Variants in DHX30 observed in about 807,000 individuals in gnomAD.
DHX30 encodes the protein ATP-dependent RNA helicase DHX30.
In DHX30, 4 loss-of-function variants were observed where a neutral mutation model predicts 116.9. That is an observed-to-expected ratio of 0.03 (90% CI 0.02 to 0.08). DHX30 has a LOEUF of 0.08. DHX30 is among the 10% of genes least tolerant of loss of function. DHX30 has a pLI of 1.00. For synonymous variants in DHX30, 697 were observed against 651.7 expected, an observed-to-expected ratio of 1.07 and a Z score of -1.06; for missense variants, 871 against 1,595.1, an observed-to-expected ratio of 0.55 and a Z score of 7.73.
Position 47,849,112 on chromosome 3 carries a change from C to G in DHX30, c.2929+33C>G, listed in dbSNP as rs367691721. On this transcript the variant is annotated intron_variant, in intron 18 of 21. Transcript: ENST00000445061. ...GGGCCCACACCTGCTCTCCTGAGCC[C>G]CTCCCACCCCCACTGAGTTTCTGTC... 3.7e-6 allele frequency: 6 copies of G among 1,610,820 alleles called. No homozygotes were observed. The African/African-American group carries it at 8.0e-5, about 22-fold the overall frequency.
chr3:47,833,762 G>T (rs1361114260), intron 6 of DHX30, among the ~76,000 whole-genome samples: 8 of 151,816 alleles, frequency 5.3e-5, no homozygotes, highest in Admixed American at 3.3e-4. Context: ...GGAGGCTGAG[G>T]CAGGAGAATC....
chr3:47,818,237 G>C lies in DHX30; in HGVS notation c.124+120G>C, dbSNP rs1041533305. The C allele has an allele frequency of 4.4e-6, 3 of 674,916 alleles. No homozygotes were observed. The African/African-American group carries it at 5.4e-5, about 12-fold the overall frequency. 41.8% of individuals were successfully genotyped at this position (674,916 alleles called of 1,614,324 possible). On this transcript the variant is annotated intron_variant, in intron 4 of 21. Transcript: ENST00000445061. ...CCAGAAAGTGAGTGAGGAAGGGTGG[G>C]ATTAGCAGAGCTATTGGAGCCCTGA...
chr3:47,817,806 C>T (rs2036125174), intron 3 of DHX30, among the ~76,000 whole-genome samples: 1 of 152,208 alleles, frequency 6.6e-6, no homozygotes, highest in Non-Finnish European at 1.5e-5. Context: ...TGAGGGCTCT[C>T]TCTAAGGCTG....
chr3:47,832,979 C>T (rs1328647042), intron 6 of DHX30, among the ~76,000 whole-genome samples: 2 of 141,088 alleles, frequency 1.4e-5, no homozygotes, highest in Non-Finnish European at 3.0e-5. Context: ...GAGATGGTGT[C>T]CCGCTATGTT....
intron 3 of DHX30, among the ~76,000 whole-genome samples, chr3:47,814,189 C>G (rs962641434): frequency 2.0e-5 from 3 of 151,344 alleles, no homozygotes; most frequent in African/African-American, 7.3e-5. Context: ...CTTTGGGAGG[C>G]TAAGGTGGGT....
Position 47,848,431 on chromosome 3 carries a change from G to A in DHX30, c.2494-38G>A. On this transcript the variant is annotated intron_variant, in intron 15 of 21. Coordinates refer to ENST00000445061, the MANE Select transcript of DHX30 (RefSeq NM_138615.3). The surrounding 1 kb of genome is among the most constrained non-coding windows in gnomAD (Gnocchi z 9.4). ...GGGCTGGCCTGGGGACCAGGCAGGT[G>A]GGAGGCAGGCTCATGGCGGGCTCTG... 1 of 1,614,010 alleles carries A rather than the reference G, an allele frequency of 6.2e-7. No individual in the cohort carries two copies. Among genetic ancestry groups the A allele is most frequent in the Non-Finnish European group, 8.5e-7 (1 of 1,179,998 alleles).
At chr3:47,810,532 C>T in intron 2 of DHX30, 125 bp from the exon 3 acceptor site, 1 of 720,678 alleles carries the variant, frequency 1.4e-6, no homozygotes. Flanking sequence ...GCAGTTGGGG[C>T]TCATTAGTGA....
intron 6 of DHX30, chr3:47,830,894 CAG>C (rs2036815932): frequency 6.6e-6 from 1 of 152,264 alleles, no homozygotes; most frequent in African/African-American, 2.4e-5. Flanking sequence ...CGCACCCGGC[CAG>C]GTTGCTAAGT....
rs1559723840 is a variant in DHX30 at position 47,848,389 on chromosome 3, G to A, written c.2493+3G>A. The A allele has an allele frequency of 1.2e-6, 2 of 1,614,082 alleles. No homozygotes were observed. The highest frequency in any genetic ancestry group is 1.7e-6 in the Non-Finnish European group (2 of 1,180,012). ...AAATCCACATGCCTGAGAAGACGGTGCGGCGGGGCGGGGCAGGGGCTGGCC... is the reference window on the plus strand; with the variant it reads ...AAATCCACATGCCTGAGAAGACGGTACGGCGGGGCGGGGCAGGGGCTGGCC... On this transcript the variant is annotated splice_donor_region_variant and intron_variant, in intron 15 of 21. Coordinates refer to ENST00000445061, the MANE Select transcript of DHX30 (RefSeq NM_138615.3). The surrounding 1 kb of genome is among the most constrained non-coding windows in gnomAD (Gnocchi z 9.4).
intron 4 of DHX30, among the ~76,000 whole-genome samples, chr3:47,826,541 G>A (rs890638821): frequency 6.6e-6 from 1 of 151,852 alleles, no homozygotes; most frequent in African/African-American, 2.4e-5. Context: ...CGCCTCCCGG[G>A]TTCAAGCGAT....
intron 3 of DHX30, among the ~76,000 whole-genome samples, chr3:47,811,514 G>A (rs1041337664): frequency 2.0e-5 from 3 of 152,152 alleles, no homozygotes; most frequent in Admixed American, 1.3e-4. Context: ...ACTGGTGGAA[G>A]TTGGATTGAG....
Position 47,810,728 on chromosome 3 carries a change from G to A in DHX30, c.28+17G>A, listed in dbSNP as rs377507172. Reference sequence around the variant, plus strand: ...TCAGAAAAGGTAAGACTGCAACTGTGCTTGTGACCTCATGCCCTTCCTTAT... The same window carrying A: ...TCAGAAAAGGTAAGACTGCAACTGTACTTGTGACCTCATGCCCTTCCTTAT... On this transcript the variant is annotated intron_variant, in intron 3 of 21. Transcript: ENST00000445061. The A allele has an allele frequency of 5.6e-5, 91 of 1,613,442 alleles. No individual in the cohort carries two copies. Among genetic ancestry groups the A allele is most frequent in the Non-Finnish European group, 7.2e-5 (85 of 1,179,524 alleles).
At chr3:47,843,030 T>G in intron 8 of DHX30, 76 bp from the exon 9 acceptor site, 1 of 1,554,288 alleles carries the variant, frequency 6.4e-7, no homozygotes, top group Non-Finnish European at 8.8e-7. Context: ...TCTGGGCTCC[T>G]TGGCATTCTG....
Position 47,848,435 on chromosome 3 carries a change from G to A in DHX30, c.2494-34G>A, listed in dbSNP as rs74479433. ...TGGCCTGGGGACCAGGCAGGTGGGA[G>A]GCAGGCTCATGGCGGGCTCTGGCTC... On this transcript the variant is annotated intron_variant, in intron 15 of 21. Coordinates refer to ENST00000445061, the MANE Select transcript of DHX30 (RefSeq NM_138615.3). This position sits in a 1 kb window ranked among gnomAD's most constrained non-coding sequence, Gnocchi z 9.4. 8 of 1,614,034 alleles carry A rather than the reference G, an allele frequency of 5.0e-6. No individual in the cohort carries two copies. Among genetic ancestry groups the A allele is most frequent in the Admixed American group, 1.7e-5 (1 of 60,022 alleles).
At position 47,850,016 on chromosome 3, in the gene DHX30, C is replaced by A. The variant is rs760205925; in HGVS notation, c.3481C>A (p.Pro1161Thr). 3 of 1,609,906 alleles carry A rather than the reference C, an allele frequency of 1.9e-6. No individual in the cohort carries two copies. Among genetic ancestry groups the A allele is most frequent in the African/African-American group, 1.3e-5 (1 of 75,010 alleles). The change falls in exon 22 of 22, where the codon CCC becomes ACC. Residue 1161 changes from proline to threonine, a missense_variant. By Grantham distance (38) the Pro-to-Thr change is conservative (BLOSUM62 -1). This residue lies in a region of DHX30 where 52 missense variants were observed against 50.1 expected (regional missense o/e 1.04). Transcript: ENST00000445061. ...CCTGCGCAGCGAGCTGGCTGCACTT[C>A]CCCCCAGCGTACAGGAGGAGCACGG... ...RSLRSELAAL[P>T]PSVQEEHGQL...
At chr3:47,813,478 A>G (rs2035893655) in intron 3 of DHX30, among the ~76,000 whole-genome samples, 1 of 152,210 alleles carries the variant, frequency 6.6e-6, no homozygotes, top group African/African-American at 2.4e-5. Context: ...ATAGGAGGTA[A>G]AGTAGCCTGT....
intron 6 of DHX30, among the ~76,000 whole-genome samples, chr3:47,838,615 A>T (rs898704953): frequency 2.6e-5 from 4 of 152,230 alleles, no homozygotes; most frequent in African/African-American, 9.6e-5. Context: ...GGTGGGATTG[A>T]AAGCTCACTG....
At chr3:47,824,826 T>G in intron 4 of DHX30, 1 of 415,874 alleles carries the variant, frequency 2.4e-6, no homozygotes, top group Non-Finnish European at 4.2e-6. Context: ...TGCTGGAGAG[T>G]GAGCTCTGCA....
chr3:47,845,743 C>T lies in DHX30; in HGVS notation c.983C>T (p.Ala328Val), dbSNP rs2037575630. The T allele has an allele frequency of 6.2e-7, 1 of 1,610,852 alleles. No individual in the cohort carries two copies. Among genetic ancestry groups the T allele is most frequent in the Non-Finnish European group, 8.5e-7 (1 of 1,177,290 alleles). The part of the protein sequence containing the change: ...VDRNNEPLTH[A>V]MYNLASLREL... ...AGGAACAACGAACCGCTTACACACG[C>T]CATGTATAACCTGGCCTCTTTGCGT... Residue 328 changes from alanine to valine, a missense_variant, in exon 10 of 22, where the codon GCC becomes GTC. Transcript: ENST00000445061.
Sources: allele counts gnomAD v4.1 joint callset (sites outside exome capture counted in the v4.1 genomes callset), GRCh38; gene constraint gnomAD v4.1.1; regional missense constraint gnomAD v4.1.1; non-coding constraint Gnocchi (gnomAD v3.1); transcripts MANE v1.5; gene names NCBI Gene and HGNC (gene_info 2026-07-23, HGNC 2026-07-21).